The following ADGRB3 variants were observed in gnomAD, a reference collection of about 807,000 sequenced individuals.
The protein encoded by ADGRB3 is brain-specific angiogenesis inhibitor 3.
ADGRB3 carries 37 observed loss-of-function variants against 193.4 expected under a neutral mutation model. That is an observed-to-expected ratio of 0.19 (90% CI 0.15 to 0.25). ADGRB3 has a LOEUF of 0.25. Among genes scored for constraint, ADGRB3 ranks in the 10% least tolerant of loss-of-function variants. The pLI is 1.00. For missense variants in ADGRB3, 1,637 were observed against 1,852.9 expected (o/e 0.88, Z 2.14); for synonymous variants, 690 against 644.2 (o/e 1.07, Z -1.08).
chr6:69,212,081 A>T (rs1405984537), intron 17 of ADGRB3, among the ~76,000 whole-genome samples: 3 of 152,198 alleles, frequency 2.0e-5, no homozygotes. Flanking sequence ...TGATGCAAGA[A>T]CATAATTAAT....
chr6:69,082,620 T>C (rs1451055963), intron 17 of ADGRB3, among the ~76,000 whole-genome samples: 2 of 152,160 alleles, frequency 1.3e-5, no homozygotes, highest in African/African-American at 2.4e-5. Context: ...TCCATTTAAT[T>C]ACTTTTGATC....
chr6:68,720,062 A>G (rs1765550400), intron 3 of ADGRB3, among the ~76,000 whole-genome samples: 1 of 151,822 alleles, frequency 6.6e-6, no homozygotes, highest in African/African-American at 2.4e-5. Context: ...TGTGCATATG[A>G]ACATATTTGA....
chr6:68,930,535 CAT>C, intron 3 of ADGRB3, 22 bp from the exon 4 acceptor site: 1 of 1,530,672 alleles, frequency 6.5e-7, no homozygotes, highest in South Asian at 1.1e-5. Flanking sequence ...CACAAGCTTT[CAT>C]ATACCTTTAT....
At position 69,103,922 on chromosome 6, in the gene ADGRB3, C is replaced by T. The variant is rs186860548; in HGVS notation, c.2480+27884C>T. Among the ~76,000 whole-genome samples the T allele has an allele frequency of 2.7e-4, 41 of 152,050 alleles. 1 individual carries two copies. In the East Asian group the frequency reaches 6.8e-3, roughly 25 times the overall value. Reference sequence around the variant, plus strand: ...TCCTTCCTATCATTCAAGGTTTTCACGGATGCTCTCAGTATTTAAATTATA... The same window carrying T: ...TCCTTCCTATCATTCAAGGTTTTCATGGATGCTCTCAGTATTTAAATTATA... On this transcript the variant is annotated intron_variant, in intron 17 of 31. Coordinates refer to ENST00000370598, the MANE Select transcript of ADGRB3 (RefSeq NM_001704.3).
At chr6:69,074,225 T>C (rs2150311945) in intron 16 of ADGRB3, among the ~76,000 whole-genome samples, 1 of 152,158 alleles carries the variant, frequency 6.6e-6, no homozygotes, top group East Asian at 1.9e-4. Flanking sequence ...GATGCTGCAA[T>C]ATTGGAGTTA....
At chr6:68,952,991 A>G (rs1163405310) in intron 6 of ADGRB3, among the ~76,000 whole-genome samples, 1 of 152,146 alleles carries the variant, frequency 6.6e-6, no homozygotes, top group African/African-American at 2.4e-5. Context: ...ATTATTATTG[A>G]TGCAGTCTTA....
chr6:68,677,046 T>C (rs1769108398), intron 3 of ADGRB3, among the ~76,000 whole-genome samples: 1 of 152,204 alleles, frequency 6.6e-6, no homozygotes, highest in African/African-American at 2.4e-5. Flanking sequence ...AGAATTCCTG[T>C]GTAGTGCACA....
At chr6:68,649,471 T>A (rs1461219187) in intron 3 of ADGRB3, among the ~76,000 whole-genome samples, 1 of 152,194 alleles carries the variant, frequency 6.6e-6, no homozygotes, top group Non-Finnish European at 1.5e-5. Flanking sequence ...TACTACTTAA[T>A]GTAGACTAGT....
intron 20 of ADGRB3, among the ~76,000 whole-genome samples, chr6:69,248,955 C>A (rs190022512): frequency 4.6e-4 from 70 of 152,246 alleles, no homozygotes; most frequent in Non-Finnish European, 5.1e-4. Context: ...AAAAGGAGTG[C>A]AAAACACTTT....
chr6:69,056,066 T>G (rs1771538267), intron 15 of ADGRB3, among the ~76,000 whole-genome samples: 1 of 152,072 alleles, frequency 6.6e-6, no homozygotes, highest in South Asian at 2.1e-4. Flanking sequence ...CCTGGCCTCA[T>G]GAGATCGCCA....
intron 17 of ADGRB3, among the ~76,000 whole-genome samples, chr6:69,117,404 C>A (rs1288586727): frequency 6.6e-6 from 1 of 152,128 alleles, no homozygotes; most frequent in East Asian, 1.9e-4. Context: ...ACACAGATTT[C>A]TGAGATTTTT....
At chr6:68,907,128 T>C (rs1290020583) in intron 3 of ADGRB3, among the ~76,000 whole-genome samples, 3 of 151,988 alleles carry the variant, frequency 2.0e-5, no homozygotes, top group African/African-American at 4.8e-5. Context: ...TTTATAGTTA[T>C]GCTCCCAATA....
At chr6:69,102,066 A>G (rs1773073647) in intron 17 of ADGRB3, among the ~76,000 whole-genome samples, 1 of 151,576 alleles carries the variant, frequency 6.6e-6, no homozygotes, top group African/African-American at 2.4e-5. Context: ...AGTCCCAGCA[A>G]CTCGGAGAGG....
At chr6:68,958,678 T>TA (rs1050811380) in intron 8 of ADGRB3, among the ~76,000 whole-genome samples, 139 of 149,548 alleles carry the variant, frequency 9.3e-4, no homozygotes, top group Admixed American at 1.4e-3. Context: ...CACATAAAAC[T>TA]AAAAAAAAAA....
chr6:68,690,778 A>G (rs1765059210), intron 3 of ADGRB3, among the ~76,000 whole-genome samples: 1 of 152,154 alleles, frequency 6.6e-6, no homozygotes, highest in South Asian at 2.1e-4. Context: ...AATCTGGTAT[A>G]TAGTATATGA....
intron 3 of ADGRB3, among the ~76,000 whole-genome samples, chr6:68,770,998 T>C (rs1167522901): frequency 6.6e-6 from 1 of 152,164 alleles, no homozygotes; most frequent in Non-Finnish European, 1.5e-5. Flanking sequence ...TATTGTGTAA[T>C]GTGACTGGCA....
chr6:68,804,761 A>G (rs980462935), intron 3 of ADGRB3, among the ~76,000 whole-genome samples: 6 of 152,138 alleles, frequency 3.9e-5, no homozygotes, highest in African/African-American at 1.4e-4. Context: ...CTAAAACAAA[A>G]TTAAATATTT....
At chr6:68,853,225 C>T (rs1768441198) in intron 3 of ADGRB3, among the ~76,000 whole-genome samples, 1 of 151,834 alleles carries the variant, frequency 6.6e-6, no homozygotes, top group Non-Finnish European at 1.5e-5. Flanking sequence ...TATCTTTGTA[C>T]AATAATATCT....
intron 3 of ADGRB3, among the ~76,000 whole-genome samples, chr6:68,668,284 A>G (rs1296666049): frequency 6.6e-6 from 1 of 152,016 alleles, no homozygotes; most frequent in Non-Finnish European, 1.5e-5. Flanking sequence ...CTTGTATAAC[A>G]GTGTCTAATA....
Sources: allele counts gnomAD v4.1 joint callset (sites outside exome capture counted in the v4.1 genomes callset), GRCh38; gene constraint gnomAD v4.1.1; transcripts MANE v1.5; gene names NCBI Gene and HGNC (gene_info 2026-07-23, HGNC 2026-07-21).